The following FCSK variants were observed in gnomAD, a reference collection of about 807,000 sequenced individuals.
The protein encoded by FCSK is L-fucose kinase.
FCSK carries 123 observed loss-of-function variants against 122.5 expected under a neutral mutation model. The observed-to-expected ratio is 1.00, with a 90% CI of 0.87 to 1.17. The LOEUF (loss-of-function observed/expected upper bound fraction) is 1.17, where lower values mean the gene tolerates loss of function less well. Among genes scored for constraint, FCSK ranks in the 50% most tolerant of loss-of-function variants. The pLI, the probability that FCSK is intolerant of heterozygous loss-of-function variation, is 0.00. For missense variants in FCSK, 1,366 were observed against 1,450.4 expected, an observed-to-expected ratio of 0.94 and a Z score of 0.95; for synonymous variants, 620 against 625.5, an observed-to-expected ratio of 0.99 and a Z score of 0.13.
chr16:70,462,843 C>T (rs2048309618), intron 1 of FCSK, among the ~76,000 whole-genome samples: 1 of 151,776 alleles, frequency 6.6e-6, no homozygotes, highest in South Asian at 2.1e-4. Context: ...CGGGGTTTCA[C>T]CATGTTGGCC....
rs772244985 is a variant in FCSK at position 70,473,144 on chromosome 16, G to A, written c.1568G>A (p.Arg523Gln). Residue 523 changes from arginine (R) to glutamine (Q), a missense_variant, in exon 15 of 24, where the codon CGG becomes CAG. Physicochemically the swap from Arg to Gln is conservative, Grantham distance 43 (BLOSUM62 1). Transcript: ENST00000288078. The surrounding 1 kb of genome is among the most constrained non-coding windows in gnomAD (Gnocchi z 4.9). ...GGGGGCGAGGCCCTGCGAGCCTGGC[G>A]GGCCTCCTGGCGCCTGTCCTGGGAG... ...EDGGEALRAW[R>Q]ASWRLSWEQL... 4.5e-6 allele frequency: 7 copies of A among 1,556,254 alleles called. No individual in the cohort carries two copies. Among genetic ancestry groups the A allele is most frequent in the Non-Finnish European group, 6.1e-6 (7 of 1,152,778 alleles).
rs1391710273 is a variant in FCSK, at chr16:70,469,218, G to T, written c.850G>T (p.Gly284Trp). ...ENVTREDFLVGRPPELGQGDA... is the reference protein window; with the variant it reads ...ENVTREDFLVWRPPELGQGDA... ...CGTGACCAGGGAGGACTTCCTGGTGGGGAGGCCCCCAGAGTTGGGGCAAGG... is the reference window on the plus strand; with the variant it reads ...CGTGACCAGGGAGGACTTCCTGGTGTGGAGGCCCCCAGAGTTGGGGCAAGG... Residue 284 changes from glycine to tryptophan, a missense_variant, in exon 10 of 24, where the codon GGG becomes TGG. Transcript: ENST00000288078. The T allele has an allele frequency of 4.3e-6, 7 of 1,614,114 alleles. No individual in the cohort carries two copies. The highest frequency in any genetic ancestry group is 5.9e-6 in the Non-Finnish European group (7 of 1,180,016).
chr16:70,465,385 C>T (rs961902642), intron 4 of FCSK, among the ~76,000 whole-genome samples: 1 of 152,200 alleles, frequency 6.6e-6, no homozygotes, highest in Admixed American at 6.5e-5. Flanking sequence ...GGGCCGGGCG[C>T]AGTGGCTCAT....
At chr16:70,474,461 C>T (rs2048731375) in intron 16 of FCSK, 67 bp from the exon 17 acceptor site, 4 of 1,546,932 alleles carry the variant, frequency 2.6e-6, no homozygotes, top group South Asian at 2.4e-5. Context: ...AGTCAGGTCC[C>T]CAAAGCCAGG....
intron 2 of FCSK, 149 bp from the exon 3 acceptor site, chr16:70,463,474 C>T (rs1485171319): frequency 1.9e-6 from 2 of 1,064,972 alleles, no homozygotes; most frequent in East Asian, 4.8e-5. Context: ...TATGACTTCT[C>T]TCACTAAGTT....
chr16:70,479,204 G>A lies in FCSK; in HGVS notation c.2954G>A (p.Cys985Tyr), dbSNP rs371789974. 1.2e-5 allele frequency: 19 copies of A among 1,613,444 alleles called. No homozygotes were observed. Among genetic ancestry groups the A allele is most frequent in the Middle Eastern group, 1.7e-4 (1 of 5,946 alleles). Residue 985 changes from cysteine to tyrosine, a missense_variant, in exon 23 of 24, where the codon TGC (cysteine) becomes TAC (tyrosine). Transcript: ENST00000288078. ...RQGSLPLLGQ[C>Y]LTSYWEQKKL... ...GGAAGCCTGCCTCTGCTGGGCCAGTGCCTGACCTCGTACTGGGAGCAGAAG... is the reference window on the plus strand; with the variant it reads ...GGAAGCCTGCCTCTGCTGGGCCAGTACCTGACCTCGTACTGGGAGCAGAAG...
intron 14 of FCSK, 133 bp from the exon 15 acceptor site, chr16:70,472,850 G>C (rs962086498): frequency 2.3e-5 from 27 of 1,170,060 alleles, no homozygotes; most frequent in Non-Finnish European, 3.1e-5. Flanking sequence ...CCTGGCCCCC[G>C]ACCTGAATTG....
chr16:70,472,830 T>C (rs1014233827), intron 14 of FCSK, among the ~76,000 whole-genome samples, 153 bp from the exon 15 acceptor site: 3 of 152,196 alleles, frequency 2.0e-5, no homozygotes, highest in African/African-American at 7.2e-5. Flanking sequence ...TGGGAAAGGA[T>C]GCCAGGCAGC....
rs781128336 is a variant in FCSK, at chr16:70,478,655, G to A, written c.2929+5G>A. The A allele has an allele frequency of 6.2e-7, 1 of 1,612,606 alleles. No individual in the cohort carries two copies. On this transcript the variant is annotated splice_donor_5th_base_variant and intron_variant, in intron 22 of 23. Transcript: ENST00000288078. ...GTGCTGAAGGCTTCCGCCAAGGTGA[G>A]GGGCTTCCTCTGGGGGGGTCAGGGC... is the stretch of plus-strand genomic sequence containing the variant.
At chr16:70,459,746 T>C (rs191458186) in intron 1 of FCSK, among the ~76,000 whole-genome samples, 1 of 148,042 alleles carries the variant, frequency 6.8e-6, no homozygotes, top group East Asian at 2.0e-4. Flanking sequence ...CCTCCTGACA[T>C]GGCCTCCCAA....
intron 13 of FCSK, 76 bp downstream of exon 13, chr16:70,471,428 A>G (rs754077328): frequency 3.1e-5 from 44 of 1,409,644 alleles, no homozygotes; most frequent in Non-Finnish European, 3.8e-5. Flanking sequence ...CCCCCACCCC[A>G]CTGCGGGGTT....
Position 70,463,546 on chromosome 16 carries a change from A to G in FCSK, c.83-77A>G. ...AGTCAAGGAAGATCAAACACTGATGATCAGTAGGCTTGCTTACGTGCTTTG... is the reference window on the plus strand; with the variant it reads ...AGTCAAGGAAGATCAAACACTGATGGTCAGTAGGCTTGCTTACGTGCTTTG... On this transcript the variant is annotated intron_variant, in intron 2 of 23. Coordinates refer to ENST00000288078, the MANE Select transcript of FCSK (RefSeq NM_145059.3). 4 of 1,560,304 alleles carry G rather than the reference A, an allele frequency of 2.6e-6. No homozygotes were observed. The South Asian group carries it at 3.5e-5, about 14-fold the overall frequency.
Position 70,479,267 on chromosome 16 carries a change from G to A in FCSK, c.3017G>A (p.Arg1006Gln), listed in dbSNP as rs372940483. 65 of 1,613,862 alleles carry A rather than the reference G, an allele frequency of 4.0e-5. No homozygotes were observed. The highest frequency in any genetic ancestry group is 1.3e-4 in the African/African-American group (10 of 74,934). The change falls in exon 23 of 24, where the codon CGG (arginine) becomes CAG (glutamine). Residue 1006 changes from arginine (R) to glutamine (Q), a missense_variant. Arg to Gln is a conservative substitution (Grantham distance 43). Transcript: ENST00000288078. ...CCAGGCTGTGAGCCCCTGACTGTGC[G>A]GCGTATGATGGATGTCCTGGCCCCC... The part of the protein sequence containing the change: ...MAPGCEPLTV[R>Q]RMMDVLAPHV...
chr16:70,462,671 G>C (rs1385346851), intron 1 of FCSK, among the ~76,000 whole-genome samples: 1 of 151,818 alleles, frequency 6.6e-6, no homozygotes, highest in African/African-American at 2.4e-5. Context: ...TTGAGACGGA[G>C]TCTCCCTTTG....
At chr16:70,470,932 C>A (rs769561102) in intron 11 of FCSK, 39 bp from the exon 12 acceptor site, 103 of 1,520,276 alleles carry the variant, frequency 6.8e-5, no homozygotes, top group South Asian at 3.1e-4. Context: ...CAGCCCTGGG[C>A]CTCGACCCCC....
chr16:70,471,302 G>A lies in FCSK; in HGVS notation c.1291G>A (p.Gly431Ser), dbSNP rs991860777. Residue 431 changes from glycine (G) to serine (S), a missense_variant, in exon 13 of 24, where the codon GGC (glycine) becomes AGC (serine). Physicochemically the swap from Gly to Ser is moderately conservative, Grantham distance 56. Transcript: ENST00000288078. ...VLQGHHTRLH[G>S]SPGHAFTLVG... ...GCAGGGACACCACACGCGGCTACAC[G>A]GCTCCCCGGGCCACGCCTTCACCCT... 23 of 1,602,200 alleles carry A rather than the reference G, an allele frequency of 1.4e-5. No homozygotes were observed. Among genetic ancestry groups the A allele is most frequent in the South Asian group, 2.2e-5 (2 of 89,340 alleles).
At position 70,473,068 on chromosome 16, in the gene FCSK, AG is replaced by A. The variant is rs1340067265; in HGVS notation, c.1495del (p.Glu499SerfsTer75). ...CCTCTTTCCTGTGCTCCACCCCTCG[AG>A]GGAGCTGGGACCCCAGGACCTGCTG... Reference protein sequence around the residue: ...ARLFPVLHPSRELGPQDLLWM... With the variant: ...ARLFPVLHPSXELGPQDLLWM... On this transcript the variant is annotated frameshift_variant, in exon 15 of 24. Coordinates refer to ENST00000288078, the MANE Select transcript of FCSK (RefSeq NM_145059.3). LOFTEE classifies it high-confidence loss of function. The surrounding 1 kb of genome is among the most constrained non-coding windows in gnomAD (Gnocchi z 4.9). 1.1e-5 allele frequency: 17 copies of A among 1,590,884 alleles called. No homozygotes were observed. Among genetic ancestry groups the A allele is most frequent in the Non-Finnish European group, 1.4e-5 (16 of 1,169,540 alleles).
chr16:70,472,861 C>A, intron 14 of FCSK, 122 bp from the exon 15 acceptor site: 3 of 1,271,520 alleles, frequency 2.4e-6, no homozygotes, highest in Non-Finnish European at 3.2e-6. Flanking sequence ...ACCTGAATTG[C>A]CCACTTATGC....
In FCSK at chr16:70,467,371, C is replaced by T. The variant is rs1370907130; in HGVS notation, c.485-3C>T. On this transcript the variant is annotated splice_polypyrimidine_tract_variant and splice_region_variant and intron_variant, in intron 6 of 23. Transcript: ENST00000288078. ...GGAGCCTCCTGACTGCCCCACCCCACAGGTATCAGCTGGGACAGCTTCCGG... is the reference window on the plus strand; with the variant it reads ...GGAGCCTCCTGACTGCCCCACCCCATAGGTATCAGCTGGGACAGCTTCCGG... 5.0e-6 allele frequency: 8 copies of T among 1,603,356 alleles called. No individual in the cohort carries two copies. The highest frequency in any genetic ancestry group is 5.1e-6 in the Non-Finnish European group (6 of 1,175,082).
Sources: gnomAD v4.1 joint callset for allele counts (sites outside exome capture counted in the v4.1 genomes callset) on GRCh38, gnomAD v4.1.1 for gene constraint, Gnocchi (gnomAD v3.1) non-coding constraint, MANE v1.5 for transcripts, NCBI Gene and HGNC (gene_info 2026-07-23, HGNC 2026-07-21) for gene names.